Variants in COL18A1 observed in about 807,000 individuals in gnomAD.
The protein encoded by COL18A1 is collagen type XVIII alpha 1 chain.
In COL18A1, 133 loss-of-function variants were observed where a neutral mutation model predicts 168.0. That is an observed-to-expected ratio of 0.79 (90% CI 0.69 to 0.91). The LOEUF is 0.91. COL18A1 is among the 40% of genes least tolerant of loss of function. COL18A1 has a pLI of 0.00. For synonymous variants in COL18A1, 949 were observed against 809.0 expected (o/e 1.17, Z -2.94); for missense variants, 2,126 against 1,925.4 (o/e 1.10, Z -1.95).
intron 38 of COL18A1, among the ~76,000 whole-genome samples, chr21:45,508,609 A>C (rs79939968): frequency 0.022 from 3,407 of 152,178 alleles, 134 homozygotes; most frequent in African/African-American, 0.078. Flanking sequence ...AGTAGAGGTC[A>C]TGATTCCTTA....
intron 2 of COL18A1, among the ~76,000 whole-genome samples, chr21:45,466,987 C>T (rs923839392): frequency 6.6e-6 from 1 of 152,190 alleles, no homozygotes; most frequent in Non-Finnish European, 1.5e-5. Context: ...TCTGGATGGA[C>T]GATCATTGTA....
At chr21:45,432,642 C>T (rs1025709909) in intron 2 of COL18A1, among the ~76,000 whole-genome samples, 11 of 152,350 alleles carry the variant, frequency 7.2e-5, no homozygotes, top group Admixed American at 3.3e-4. Flanking sequence ...GGGGTCAGAG[C>T]GCGGCAGGAC....
intron 2 of COL18A1, among the ~76,000 whole-genome samples, chr21:45,460,410 A>T (rs1342016580): frequency 1.3e-5 from 2 of 152,074 alleles, no homozygotes; most frequent in Non-Finnish European, 2.9e-5. Context: ...TGATCTTGGA[A>T]AGTGGTGCAC....
intron 2 of COL18A1, chr21:45,422,550 G>A (rs2123552161): frequency 2.0e-6 from 1 of 511,672 alleles, no homozygotes; most frequent in Non-Finnish European, 4.0e-6. Flanking sequence ...ACCCGGGCAG[G>A]GCAGCAAAAG....
intron 25 of COL18A1, 40 bp downstream of exon 25, chr21:45,493,265 C>G: frequency 6.5e-7 from 1 of 1,547,174 alleles, no homozygotes; most frequent in East Asian, 2.4e-5. Flanking sequence ...CCCTTTGTGA[C>G]CCAGGGGTGG....
At chr21:45,474,948 A>G (rs993584158) in intron 4 of COL18A1, among the ~76,000 whole-genome samples, 2 of 152,166 alleles carry the variant, frequency 1.3e-5, no homozygotes, top group African/African-American at 4.8e-5. Context: ...GCGCCCTGGG[A>G]CAGCTTGCTG....
intron 15 of COL18A1, among the ~76,000 whole-genome samples, chr21:45,484,067 CT>C (rs1390964098): frequency 0.021 from 2,636 of 126,162 alleles, 399 homozygotes; most frequent in African/African-American, 0.027. Context: ...CACACACACA[CT>C]TCTCCAGCAT....
chr21:45,505,278 AGTAAGTCAGT>A lies in COL18A1; in HGVS notation c.3013+2_3013+11del. On this transcript the variant is annotated splice_donor_variant and splice_donor_5th_base_variant and intron_variant, in intron 35 of 41. Transcript: ENST00000651438. LOFTEE classifies it high-confidence loss of function. ...TTCATTTCCTGGCCCTCACAGGCAG[AGTAAGTCAGT>A]GGGGAGTGGGCCCCGGGCAGAGGCC... 6.2e-7 allele frequency: 1 copy of A among 1,607,146 alleles called. No individual in the cohort carries two copies.
In COL18A1 at chr21:45,480,154, C is replaced by T; in HGVS notation, c.1396C>T (p.Leu466=). The T allele has an allele frequency of 6.4e-7, 1 of 1,555,822 alleles. No homozygotes were observed. The highest frequency in any genetic ancestry group is 2.3e-5 in the East Asian group (1 of 44,354). Residue 466 remains leucine (L), a splice_region_variant and synonymous_variant, in exon 11 of 42, where the codon CTG becomes TTG. Coordinates refer to ENST00000651438, the MANE Select transcript of COL18A1 (RefSeq NM_001379500.1). ...AGGACCCTCCTTCAGACACGACAAGCTGGTAAGTCCCGCCCTTGGCTTCCT... is the reference window on the plus strand; with the variant it reads ...AGGACCCTCCTTCAGACACGACAAGTTGGTAAGTCCCGCCCTTGGCTTCCT... The part of the protein sequence containing the change: ...PPGPSFRHDK[L]TFIDMEGSGF...
intron 2 of COL18A1, among the ~76,000 whole-genome samples, chr21:45,448,224 C>T (rs2034543733): frequency 6.6e-6 from 1 of 152,216 alleles, no homozygotes; most frequent in African/African-American, 2.4e-5. Flanking sequence ...TTCCATTCGA[C>T]TCACAAGCAA....
chr21:45,471,623 T>C lies in COL18A1; in HGVS notation c.652-2272T>C, dbSNP rs1459841588. On this transcript the variant is annotated intron_variant, in intron 3 of 41. Coordinates refer to ENST00000651438, the MANE Select transcript of COL18A1 (RefSeq NM_001379500.1). The surrounding 1 kb of genome is among the most constrained non-coding windows in gnomAD (Gnocchi z 4.4). ...GAGTCCTTGGGCGTTGTTGGTCTTTTCAGGTTCACTTTCTTGAGTCAGGTT... is the reference window on the plus strand; with the variant it reads ...GAGTCCTTGGGCGTTGTTGGTCTTTCCAGGTTCACTTTCTTGAGTCAGGTT... 6.6e-6 allele frequency among the ~76,000 whole-genome samples: 1 copy of C among 152,174 alleles called. No individual in the cohort carries two copies. Among genetic ancestry groups the C allele is most frequent in the Non-Finnish European group, 1.5e-5 (1 of 68,038 alleles).
chr21:45,488,671 C>T (rs1270153284), intron 18 of COL18A1, among the ~76,000 whole-genome samples: 2 of 152,290 alleles, frequency 1.3e-5, no homozygotes, highest in East Asian at 1.9e-4. Context: ...CCCGTTCTCT[C>T]TCCGAAGCCC....
chr21:45,477,344 G>C, intron 6 of COL18A1, 67 bp from the exon 7 acceptor site: 2 of 1,339,192 alleles, frequency 1.5e-6, no homozygotes, highest in Non-Finnish European at 1.0e-6. Flanking sequence ...GGCCGTCTGG[G>C]GTGCCGAGAG....
chr21:45,506,955 GT>G, intron 37 of COL18A1: 2 of 254,570 alleles, frequency 7.9e-6, no homozygotes, highest in Non-Finnish European at 1.6e-5. Context: ...GGTGCCCACT[GT>G]GTGCCAGGTG....
chr21:45,510,157 G>A lies in COL18A1; in HGVS notation c.3589G>A (p.Gly1197Arg), dbSNP rs1361373022. The A allele has an allele frequency of 6.3e-7, 1 of 1,596,578 alleles. No homozygotes were observed. Among genetic ancestry groups the A allele is most frequent in the Non-Finnish European group, 8.5e-7 (1 of 1,172,702 alleles). Residue 1197 changes from glycine (G) to arginine (R), a missense_variant, in exon 40 of 42, where the codon GGG (glycine) becomes AGG (arginine). Transcript: ENST00000651438. ...GTGCTTCCAGCAGGCGCGGGCCGTG[G>A]GGCTGGCGGGCACCTTCCGCGCCTT... ...FQCFQQARAVGLAGTFRAFLS... is the reference protein window; with the variant it reads ...FQCFQQARAVRLAGTFRAFLS...
intron 29 of COL18A1, chr21:45,496,125 C>A: frequency 2.5e-6 from 1 of 401,220 alleles, no homozygotes. Context: ...CCAAGCCCTC[C>A]ATGCTGGGGG....
intron 9 of COL18A1, 112 bp downstream of exon 9, chr21:45,478,465 C>T (rs1367608473): frequency 1.2e-5 from 16 of 1,387,776 alleles, no homozygotes; most frequent in Non-Finnish European, 1.6e-5. Context: ...GGAGACTGTA[C>T]AGCAAAACCA....
At position 45,456,121 on chromosome 21, in the gene COL18A1, C is replaced by T. The variant is rs746406313; in HGVS notation, c.107-12121C>T. Reference sequence around the variant, plus strand: ...CTGCACCCACCCCATCGCCTCCCTCCCTGGGCAGGCCCTGGGCACCACTCA... The same window carrying T: ...CTGCACCCACCCCATCGCCTCCCTCTCTGGGCAGGCCCTGGGCACCACTCA... On this transcript the variant is annotated intron_variant, in intron 2 of 41. Coordinates refer to ENST00000651438, the MANE Select transcript of COL18A1 (RefSeq NM_001379500.1). 56 of 1,585,722 alleles carry T rather than the reference C, an allele frequency of 3.5e-5. No individual in the cohort carries two copies. In the East Asian group the frequency reaches 1.2e-3, roughly 34 times the overall value.
intron 32 of COL18A1, among the ~76,000 whole-genome samples, chr21:45,501,697 TCCACAGCCGG>T (rs2036840824): frequency 3.6e-4 from 52 of 146,254 alleles, no homozygotes; most frequent in Admixed American, 6.1e-4. Context: ...CCCCAGGGGC[TCCACAGCCGG>T]TCACCTCCCT....
Sources: gnomAD v4.1 joint callset for allele counts (sites outside exome capture counted in the v4.1 genomes callset) on GRCh38, gnomAD v4.1.1 for gene constraint, Gnocchi (gnomAD v3.1) non-coding constraint, MANE v1.5 for transcripts, NCBI Gene and HGNC (gene_info 2026-07-23, HGNC 2026-07-21) for gene names.